The following MYO5B variants were observed in gnomAD, a reference collection of about 807,000 sequenced individuals.
MYO5B encodes the protein unconventional myosin-Vb.
In MYO5B, 143 loss-of-function variants were observed where a neutral mutation model predicts 229.3. The observed-to-expected ratio is 0.62, with a 90% CI of 0.54 to 0.72. MYO5B has a LOEUF of 0.72. Ranked by LOEUF, MYO5B falls within the 30% of genes least tolerant of loss-of-function variation. The pLI is 0.00. For missense variants in MYO5B, 2,321 were observed against 2,331.0 expected (o/e 1.00, Z 0.09); for synonymous variants, 918 against 885.2 (o/e 1.04, Z -0.66).
At chr18:50,043,390 T>TTAA in intron 2 of MYO5B, among the ~76,000 whole-genome samples, 1 of 76,094 alleles carries the variant, frequency 1.3e-5, no homozygotes, top group Non-Finnish European at 2.5e-5. Flanking sequence ...ATATTAAATA[T>TTAA]ATTTAAATAT....
chr18:49,994,989 G>A (rs769716375), intron 5 of MYO5B, among the ~76,000 whole-genome samples: 5 of 152,252 alleles, frequency 3.3e-5, no homozygotes, highest in Admixed American at 6.5e-5. Context: ...CCATACTTAC[G>A]GGAAAACTTA....
At chr18:49,980,314 G>A in intron 9 of MYO5B, 130 bp downstream of exon 9, 1 of 773,624 alleles carries the variant, frequency 1.3e-6, no homozygotes, top group Non-Finnish European at 2.3e-6. Context: ...ATCAGCAAGT[G>A]AACAGAAACC....
intron 10 of MYO5B, among the ~76,000 whole-genome samples, chr18:49,967,922 A>G (rs2025644901): frequency 6.6e-6 from 1 of 152,170 alleles, no homozygotes; most frequent in Non-Finnish European, 1.5e-5. Flanking sequence ...AAGGTCAGTT[A>G]TTCTTCTTGA....
chr18:50,040,327 A>G lies in MYO5B; in HGVS notation c.139-13T>C. The G allele has an allele frequency of 6.2e-7, 1 of 1,613,690 alleles. No individual in the cohort carries two copies. The highest frequency in any genetic ancestry group is 8.5e-7 in the Non-Finnish European group (1 of 1,179,582). On this transcript the variant is annotated splice_polypyrimidine_tract_variant and intron_variant, in intron 2 of 39. Transcript: ENST00000285039. ...GGTATTCCAGAATCTAAAGACATGC[A>G]AGTAGCAGACACAAAAAGGTGGTTA...
intron 1 of MYO5B, among the ~76,000 whole-genome samples, chr18:50,139,912 T>A (rs79152352): frequency 0.04 from 6,134 of 152,286 alleles, 151 homozygotes; most frequent in Non-Finnish European, 0.055. Flanking sequence ...CACATAAATA[T>A]ACATTTAATA....
intron 1 of MYO5B, among the ~76,000 whole-genome samples, chr18:50,114,549 A>G (rs1382316889): frequency 1.3e-5 from 2 of 152,180 alleles, no homozygotes; most frequent in African/African-American, 4.8e-5. Context: ...TCACATTTAT[A>G]TAATAAAGTT....
intron 1 of MYO5B, among the ~76,000 whole-genome samples, chr18:50,177,371 A>G (rs2033012098): frequency 2.6e-5 from 4 of 152,204 alleles, no homozygotes; most frequent in Admixed American, 6.5e-5. Context: ...CAATAATCAA[A>G]TGCTTTTAAC....
At chr18:50,188,811 A>AAC (rs2033188285) in intron 1 of MYO5B, among the ~76,000 whole-genome samples, 3 of 73,236 alleles carry the variant, frequency 4.1e-5, no homozygotes, top group Admixed American at 1.8e-4. Flanking sequence ...AAAAAAAAAA[A>AAC]AAAAAACACA....
chr18:50,019,536 C>T (rs994899961), intron 4 of MYO5B, among the ~76,000 whole-genome samples: 7 of 152,384 alleles, frequency 4.6e-5, no homozygotes, highest in Middle Eastern at 6.8e-3. Flanking sequence ...AAAACAGTCA[C>T]TCACACAAAA....
At chr18:50,109,554 T>C (rs1180469478) in intron 1 of MYO5B, among the ~76,000 whole-genome samples, 1 of 151,900 alleles carries the variant, frequency 6.6e-6, no homozygotes, top group African/African-American at 2.4e-5. Context: ...GCCTCCCAAG[T>C]AGCTGGGACT....
chr18:50,135,087 A>G (rs1226451099), intron 1 of MYO5B, among the ~76,000 whole-genome samples: 2 of 152,340 alleles, frequency 1.3e-5, no homozygotes, highest in East Asian at 3.9e-4. Context: ...CGGGAAATAC[A>G]CAAGGCAACA....
intron 1 of MYO5B, among the ~76,000 whole-genome samples, chr18:50,107,111 T>C (rs1277475097): frequency 4.6e-5 from 2 of 43,836 alleles, no homozygotes; most frequent in Non-Finnish European, 9.1e-5. Context: ...TAGGGTGCCT[T>C]TTTTTTTTTT....
chr18:49,938,418 G>A (rs1568038544), intron 14 of MYO5B, among the ~76,000 whole-genome samples: 3 of 151,916 alleles, frequency 2.0e-5, no homozygotes, highest in Admixed American at 6.6e-5. Flanking sequence ...AGTATTACAA[G>A]GCTTTTACCA....
chr18:50,120,805 G>T (rs1405216881), intron 1 of MYO5B, among the ~76,000 whole-genome samples: 1 of 152,168 alleles, frequency 6.6e-6, no homozygotes, highest in African/African-American at 2.4e-5. Flanking sequence ...CCCCAGGCTG[G>T]CCCACCTTCA....
chr18:50,017,873 C>T (rs543966125), intron 4 of MYO5B, among the ~76,000 whole-genome samples: 24 of 152,282 alleles, frequency 1.6e-4, no homozygotes, highest in East Asian at 3.9e-4. Flanking sequence ...CTCCCAGAAA[C>T]GCCAGTTAAC....
intron 1 of MYO5B, among the ~76,000 whole-genome samples, chr18:50,163,798 G>C (rs1246279632): frequency 6.6e-6 from 1 of 152,160 alleles, no homozygotes; most frequent in Non-Finnish European, 1.5e-5. Flanking sequence ...TGCCTGCCTG[G>C]ACTCCAGGTG....
intron 22 of MYO5B, among the ~76,000 whole-genome samples, chr18:49,883,825 GA>G (rs1215836651): frequency 2.0e-5 from 3 of 152,170 alleles, no homozygotes; most frequent in Non-Finnish European, 2.9e-5. Context: ...ACAGTCAATT[GA>G]TTTTTGACAA....
rs1385739349 is a variant in MYO5B at position 49,906,285 on chromosome 18, G to C, written c.2414+134C>G. 6 of 877,286 alleles carry C rather than the reference G, an allele frequency of 6.8e-6. No individual in the cohort carries two copies. The African/African-American group carries it at 1.0e-4, about 15-fold the overall frequency. The allele number at this position is 877,286 out of a possible 1,614,324, so 54.3% of individuals were successfully genotyped here. On this transcript the variant is annotated intron_variant, in intron 19 of 39. Transcript: ENST00000285039. ...GGATAGGCCCAGCTGCCGAGGAAAAGCCAAGATGCAGACATGGCCCCAACA... is the reference window on the plus strand; with the variant it reads ...GGATAGGCCCAGCTGCCGAGGAAAACCCAAGATGCAGACATGGCCCCAACA...
chr18:49,902,073 C>A (rs540428617), intron 21 of MYO5B, among the ~76,000 whole-genome samples: 1 of 152,330 alleles, frequency 6.6e-6, no homozygotes, highest in South Asian at 2.1e-4. Flanking sequence ...AAGTTACCAC[C>A]AAGTTATGAC....
Sources: gnomAD v4.1 joint callset for allele counts (sites outside exome capture counted in the v4.1 genomes callset) on GRCh38, gnomAD v4.1.1 for gene constraint, MANE v1.5 for transcripts, NCBI Gene and HGNC (gene_info 2026-07-23, HGNC 2026-07-21) for gene names.